Variants in CYP4X1 observed in about 807,000 individuals in gnomAD.
The protein encoded by CYP4X1 is cytochrome P450 family 4 subfamily X member 1, also known as cytochrome P450 4X1.
Under a neutral mutation model 57.9 loss-of-function variants are expected in CYP4X1, and 44 were observed. That is an observed-to-expected ratio of 0.76 (90% CI 0.60 to 0.98). The LOEUF (loss-of-function observed/expected upper bound fraction) is 0.98. Among genes scored for constraint, CYP4X1 ranks in the 50% least tolerant of loss-of-function variants. The pLI is 0.00. For missense variants in CYP4X1, 532 were observed against 623.9 expected (o/e 0.85, Z 1.57); for synonymous variants, 227 against 228.6 (o/e 0.99, Z 0.06).
At chr1:47,012,393 C>T in the CYP4X1 span, among the ~76,000 whole-genome samples, 1 of 152,076 alleles carries the variant, frequency 6.6e-6, no homozygotes, top group Non-Finnish European at 1.5e-5. Flanking sequence ...GAACATCGCA[C>T]ACCAGGGCCT....
At chr1:47,024,170 T>C (rs111783250) in intron 1 of CYP4X1, among the ~76,000 whole-genome samples, 176 bp downstream of exon 1, 2 of 152,136 alleles carry the variant, frequency 1.3e-5, no homozygotes, top group Admixed American at 1.3e-4. Flanking sequence ...CTCTGGAGAA[T>C]TGCTTTCCCG....
At chr1:46,989,403 A>G in the CYP4X1 span, among the ~76,000 whole-genome samples, 1 of 152,182 alleles carries the variant, frequency 6.6e-6, no homozygotes, top group Non-Finnish European at 1.5e-5. Flanking sequence ...ATAAGAGACA[A>G]CACAAACAAA....
downstream of CYP4X1, among the ~76,000 whole-genome samples, chr1:47,051,275 T>G (rs1343221420): frequency 6.6e-6 from 1 of 151,642 alleles, no homozygotes; most frequent in Non-Finnish European, 1.5e-5. Flanking sequence ...ACTTTTACAC[T>G]GTTGGTGGCA....
At chr1:47,033,722 G>A (rs1644148973) in intron 4 of CYP4X1, among the ~76,000 whole-genome samples, 1 of 152,142 alleles carries the variant, frequency 6.6e-6, no homozygotes, top group African/African-American at 2.4e-5. Context: ...TGAAGAAAAA[G>A]GCTGACAGTT....
At chr1:47,029,130 G>A (rs1179152878) in intron 1 of CYP4X1, among the ~76,000 whole-genome samples, 6 of 152,202 alleles carry the variant, frequency 3.9e-5, no homozygotes, top group African/African-American at 9.6e-5. Context: ...GGTCACACGA[G>A]GAAAAATCTG....
the CYP4X1 span, among the ~76,000 whole-genome samples, chr1:47,017,415 T>G: frequency 6.6e-6 from 1 of 151,976 alleles, no homozygotes; most frequent in Non-Finnish European, 1.5e-5. Flanking sequence ...TAAAGAAATA[T>G]TTGAGAAACA....
rs1164907162 is a variant in CYP4X1, at chr1:47,050,562, T to C, written c.*388T>C. ...ATAAAAATTTTAAATCTCACTTCAC[T>C]TAGCCGACATTCCATGCCCTGACCA... On this transcript the variant is annotated 3_prime_UTR_variant, in exon 12 of 12. Transcript: ENST00000371901. 1 of 165,034 alleles carries C rather than the reference T, an allele frequency of 6.1e-6. No individual in the cohort carries two copies. The highest frequency in any genetic ancestry group is 5.8e-5 in the Admixed American group (1 of 17,220). 10.2% of individuals were successfully genotyped at this position (165,034 alleles called of 1,614,324 possible).
rs1170026596 is a variant in CYP4X1, at chr1:47,039,527, C to T, written c.1068C>T (p.Ile356=). ...GCATCCTGGGGGATGGGTCTTCTAT[C>T]ACTTGGTAAGATCTGCACCCCTAAA... ...VRGILGDGSS[I]TWDQLGEMSY... The change falls in exon 8 of 12, where the codon ATC becomes ATT. Residue 356 remains isoleucine, a synonymous_variant. Transcript: ENST00000371901. 1 of 1,602,288 alleles carries T rather than the reference C, an allele frequency of 6.2e-7. No homozygotes were observed.
At chr1:46,997,669 T>A in the CYP4X1 span, among the ~76,000 whole-genome samples, 1 of 152,232 alleles carries the variant, frequency 6.6e-6, no homozygotes, top group Admixed American at 6.5e-5. Context: ...GCCGTAAACA[T>A]ACATGTGTCT....
chr1:47,010,160 C>T, the CYP4X1 span, among the ~76,000 whole-genome samples: 832 of 151,916 alleles, frequency 5.5e-3, 6 homozygotes, highest in African/African-American at 0.019. Flanking sequence ...CAAAAATCCT[C>T]AATAAAATAC....
chr1:47,000,336 T>C, the CYP4X1 span, among the ~76,000 whole-genome samples: 3 of 152,094 alleles, frequency 2.0e-5, no homozygotes, highest in African/African-American at 7.2e-5. Flanking sequence ...TATAAACAAC[T>C]CAGTGTCAGG....
At chr1:46,975,998 A>T in the CYP4X1 span, among the ~76,000 whole-genome samples, 1 of 152,136 alleles carries the variant, frequency 6.6e-6, no homozygotes, top group African/African-American at 2.4e-5. Context: ...GCTAAATAGT[A>T]ACAGCTCTGG....
chr1:47,041,883 GT>G (rs1167125231), intron 8 of CYP4X1, among the ~76,000 whole-genome samples: 1 of 151,754 alleles, frequency 6.6e-6, no homozygotes, highest in African/African-American at 2.4e-5. Flanking sequence ...TTTTCTCTAT[GT>G]TTTTTTCTAG....
intron 8 of CYP4X1, among the ~76,000 whole-genome samples, chr1:47,042,069 G>C (rs1213200936): frequency 6.6e-6 from 1 of 152,026 alleles, no homozygotes; most frequent in Non-Finnish European, 1.5e-5. Context: ...TGGAACCTTT[G>C]TAGATCAGTT....
In CYP4X1 at chr1:47,023,976, G is replaced by C. The variant is rs560078689; in HGVS notation, c.159G>C (p.Trp53Cys). Reference protein sequence around the residue: ...LRPFPAPPTHWFLGHQKFIQD... With the variant: ...LRPFPAPPTHCFLGHQKFIQD... ...CCTTCCCAGCGCCCCCCACCCACTG[G>C]TTCCTTGGGCACCAGAAGGTAGATG... The change falls in exon 1 of 12, where the codon TGG (tryptophan) becomes TGC (cysteine). Residue 53 changes from tryptophan (W) to cysteine (C), a missense_variant. Physicochemically the swap from Trp to Cys is radical, Grantham distance 215 (BLOSUM62 -2). Transcript: ENST00000371901. 3.7e-6 allele frequency: 6 copies of C among 1,612,708 alleles called. No individual in the cohort carries two copies. The highest frequency in any genetic ancestry group is 5.1e-6 in the Non-Finnish European group (6 of 1,179,734).
Position 47,050,357 on chromosome 1 carries a change from A to G in CYP4X1, c.*183A>G, listed in dbSNP as rs112795977. 198 of 602,782 alleles carry G rather than the reference A, an allele frequency of 3.3e-4. No individual in the cohort carries two copies. Among genetic ancestry groups the G allele is most frequent in the African/African-American group, 3.1e-3 (168 of 53,834 alleles). The allele number at this position is 602,782 out of a possible 1,614,324, so 37.3% of individuals were successfully genotyped here. ...CAGTGTGTCAGCTAGATCTGTTTCT[A>G]TATAACTTTGGGAGATTTTCAGATC... On this transcript the variant is annotated 3_prime_UTR_variant, in exon 12 of 12. Coordinates refer to ENST00000371901, the MANE Select transcript of CYP4X1 (RefSeq NM_178033.2).
intron 4 of CYP4X1, among the ~76,000 whole-genome samples, chr1:47,035,043 A>G (rs1044256135): frequency 2.0e-5 from 3 of 151,242 alleles, no homozygotes; most frequent in African/African-American, 7.3e-5. Flanking sequence ...TGTGGTTGCC[A>G]AGTCTCTGAA....
At chr1:46,987,878 T>G in the CYP4X1 span, among the ~76,000 whole-genome samples, 1 of 152,048 alleles carries the variant, frequency 6.6e-6, no homozygotes, top group Non-Finnish European at 1.5e-5. Flanking sequence ...GGGACACAGC[T>G]AAAGCAATGT....
At chr1:46,974,240 T>G in the CYP4X1 span, among the ~76,000 whole-genome samples, 3 of 152,194 alleles carry the variant, frequency 2.0e-5, no homozygotes, top group Non-Finnish European at 4.4e-5. Context: ...AGAGTTTTTT[T>G]GGTATTCACT....
Sources: allele counts gnomAD v4.1 joint callset (sites outside exome capture counted in the v4.1 genomes callset), GRCh38; gene constraint gnomAD v4.1.1; transcripts MANE v1.5; gene names NCBI Gene and HGNC (gene_info 2026-07-23, HGNC 2026-07-21).